VGF: variants seen among roughly 807,000 people sequenced by gnomAD.
VGF encodes the protein neurosecretory protein VGF.
Under a neutral mutation model 41.1 loss-of-function variants are expected in VGF, and 13 were observed. The ratio of observed to expected loss-of-function variants is 0.32; its 90% CI spans 0.21 to 0.50. The LOEUF (loss-of-function observed/expected upper bound fraction) is 0.50, where lower values mean the gene tolerates loss of function less well. Among genes scored for constraint, VGF ranks in the 20% least tolerant of loss-of-function variants. The pLI, the probability that VGF is intolerant of heterozygous loss-of-function variation, is 0.98. For synonymous variants in VGF, 473 were observed against 418.3 expected, an observed-to-expected ratio of 1.13 and a Z score of -1.60; for missense variants, 920 against 882.1, an observed-to-expected ratio of 1.04 and a Z score of -0.54.
At chr7:101,169,310 A>T (rs1432087344), upstream of VGF, among the ~76,000 whole-genome samples, 1 of 151,924 alleles carries the variant, frequency 6.6e-6, no homozygotes, top group Non-Finnish European at 1.5e-5. Flanking sequence ...ACACACACAC[A>T]CACACACACT....
chr7:101,164,154 T>C lies in VGF; in HGVS notation c.690A>G (p.Gln230=). Residue 230 remains glutamine (Q), a synonymous_variant, in exon 2 of 2, where the codon CAA becomes CAG. Coordinates refer to ENST00000249330, the MANE Select transcript of VGF (RefSeq NM_003378.4). The part of the protein sequence containing the change: ...RAPLPPPAPS[Q]FQARMPDSGP... ...CGCTGTCGGGCATACGCGCCTGGAA[T>C]TGAGAGGGGGCCGGGGGCGGCAGGG... 6.6e-7 allele frequency: 1 copy of C among 1,507,034 alleles called. No homozygotes were observed. Among genetic ancestry groups the C allele is most frequent in the Non-Finnish European group, 8.8e-7 (1 of 1,135,904 alleles). The allele number at this position is 1,507,034 out of a possible 1,614,324, so 93.4% of individuals were successfully genotyped here. A position where few individuals can be genotyped will look rare whatever the true frequency, so the allele number is the denominator to read the frequency against.
In VGF at chr7:101,163,546, T is replaced by C. The variant is rs750605500; in HGVS notation, c.1298A>G (p.Glu433Gly). ...ETPGHRRKEA[E>G]GTEEGGEEED... ...CTCCTCCCCGCCCTCCTCTGTCCCC[T>C]CGGCCTCCTTCCGCCGGTGGCCCGG... The change falls in exon 2 of 2, where the codon GAG becomes GGG. Residue 433 changes from glutamate (E) to glycine (G), a missense_variant. This residue lies in a region of VGF where 654 missense variants were observed against 638.4 expected (regional missense o/e 1.02). Coordinates refer to ENST00000249330, the MANE Select transcript of VGF (RefSeq NM_003378.4). This position sits in a 1 kb window ranked among gnomAD's most constrained non-coding sequence, Gnocchi z 5.0. The C allele has an allele frequency of 1.2e-6, 2 of 1,600,160 alleles. No individual in the cohort carries two copies. Among genetic ancestry groups the C allele is most frequent in the Non-Finnish European group, 1.7e-6 (2 of 1,173,540 alleles).
rs766812402 is a variant in VGF, at chr7:101,164,399, C to T, written c.445G>A (p.Ala149Thr). 1.3e-5 allele frequency: 21 copies of T among 1,610,968 alleles called. No homozygotes were observed. The highest frequency in any genetic ancestry group is 2.2e-5 in the East Asian group (1 of 44,864). Residue 149 changes from alanine to threonine, a missense_variant, in exon 2 of 2, where the codon GCG (alanine) becomes ACG (threonine). Physicochemically the swap from Ala to Thr is moderately conservative, Grantham distance 58 (BLOSUM62 0). Coordinates refer to ENST00000249330, the MANE Select transcript of VGF (RefSeq NM_003378.4). ...RPQTPENGPE[A>T]SDPSEELEAL... ...TCGAGCTCCTCGGAGGGATCGCTCG[C>T]CTCGGGCCCATTCTCCGGAGTCTGA...
rs1360280653 is a variant in VGF, at chr7:101,163,205, G to A, written c.1639C>T (p.Pro547Ser). Residue 547 changes from proline (P) to serine (S), a missense_variant, in exon 2 of 2, where the codon CCC becomes TCC. By Grantham distance (74) the Pro-to-Ser change is moderately conservative. Coordinates refer to ENST00000249330, the MANE Select transcript of VGF (RefSeq NM_003378.4). This position sits in a 1 kb window ranked among gnomAD's most constrained non-coding sequence, Gnocchi z 5.0. Reference protein sequence around the residue: ...VYPPGPYHPFPNYIRPRTLQP... With the variant: ...VYPPGPYHPFSNYIRPRTLQP... ...AGTGTCCGCGGCCGGATGTAGTTGG[G>A]GAAAGGGTGGTACGGCCCTGGCGGG... is the stretch of plus-strand genomic sequence containing the variant. 1 of 1,545,550 alleles carries A rather than the reference G, an allele frequency of 6.5e-7. No individual in the cohort carries two copies.
In VGF at chr7:101,162,640, G is replaced by A. The variant is rs184655571; in HGVS notation, c.*356C>T. ...GGCTGGAGGGGCTCGTGGGAGGCCC[G>A]AAGGGCTGGAGACAGACACACTTCA... On this transcript the variant is annotated 3_prime_UTR_variant, in exon 2 of 2. Coordinates refer to ENST00000249330, the MANE Select transcript of VGF (RefSeq NM_003378.4). This position sits in a 1 kb window ranked among gnomAD's most constrained non-coding sequence, Gnocchi z 4.2. The A allele has an allele frequency of 1.6e-3, 590 of 363,518 alleles. 1 individual carries two copies. The highest frequency in any genetic ancestry group is 2.7e-3 in the Non-Finnish European group (501 of 186,462). 22.5% of individuals were successfully genotyped at this position (363,518 alleles called of 1,614,324 possible). A position where few individuals can be genotyped will look rare whatever the true frequency, so the allele number is the denominator to read the frequency against.
chr7:101,169,771 A>T (rs1425467515), upstream of VGF, among the ~76,000 whole-genome samples: 1 of 152,184 alleles, frequency 6.6e-6, no homozygotes, highest in Non-Finnish European at 1.5e-5. Flanking sequence ...AACAGAAAAA[A>T]AACCACTTGA....
chr7:101,165,307 A>G, intron 1 of VGF, 67 bp downstream of exon 1: 1 of 986,488 alleles, frequency 1.0e-6, no homozygotes, highest in Non-Finnish European at 1.2e-6. Flanking sequence ...TCGAGAGGAG[A>G]GAGAACCCTC....
Position 101,163,098 on chromosome 7 carries a change from C to G in VGF, c.1746G>C (p.Gln582His). 6.3e-7 allele frequency: 1 copy of G among 1,581,144 alleles called. No individual in the cohort carries two copies. Among genetic ancestry groups the G allele is most frequent in the Non-Finnish European group, 8.6e-7 (1 of 1,167,292 alleles). The change falls in exon 2 of 2, where the codon CAG (glutamine) becomes CAC (histidine). Residue 582 changes from glutamine (Q) to histidine (H), a missense_variant. Gln to His is a conservative substitution (Grantham distance 24). Coordinates refer to ENST00000249330, the MANE Select transcript of VGF (RefSeq NM_003378.4). This position sits in a 1 kb window ranked among gnomAD's most constrained non-coding sequence, Gnocchi z 5.0. Reference protein sequence around the residue: ...PSRHYPGREAQARRAQEEAEA... With the variant: ...PSRHYPGREAHARRAQEEAEA... ...CCGCCTCCTCCTGCGCGCGCCGCGC[C>G]TGGGCCTCCCGGCCGGGATAGTGGC... is the stretch of plus-strand genomic sequence containing the variant.
upstream of VGF, among the ~76,000 whole-genome samples, chr7:101,167,321 G>A (rs1186222570): frequency 6.6e-6 from 1 of 152,144 alleles, no homozygotes; most frequent in East Asian, 1.9e-4. This position sits in a 1 kb window ranked among gnomAD's most constrained non-coding sequence, Gnocchi z 4.2. Flanking sequence ...GGAACAGGTA[G>A]AAGGAGCAGG....
chr7:101,162,778 T>C lies in VGF; in HGVS notation c.*218A>G. The C allele has an allele frequency of 1.6e-6, 1 of 642,028 alleles. No homozygotes were observed. The highest frequency in any genetic ancestry group is 2.9e-6 in the Non-Finnish European group (1 of 346,562). 39.8% of individuals were successfully genotyped at this position (642,028 alleles called of 1,614,324 possible). A position where few individuals can be genotyped will look rare whatever the true frequency, so the allele number is the denominator to read the frequency against. On this transcript the variant is annotated 3_prime_UTR_variant, in exon 2 of 2. Transcript: ENST00000249330. This position sits in a 1 kb window ranked among gnomAD's most constrained non-coding sequence, Gnocchi z 4.2. The stretch of plus-strand genomic sequence containing the variant: ...AACTCGCACAAACCACCCGCCCTCC[T>C]GGGCTGGCCCCCGGTCACCCGCGGG...
chr7:101,166,222 C>A (rs1419599753), upstream of VGF, among the ~76,000 whole-genome samples: 3 of 152,228 alleles, frequency 2.0e-5, no homozygotes, highest in Admixed American at 6.5e-5. Flanking sequence ...ATGGGTGGAT[C>A]TTGCGGTTTT....
At position 101,163,574 on chromosome 7, in the gene VGF, TCTC is replaced by T. The variant is rs1302815644; in HGVS notation, c.1267_1269del (p.Glu423del). 6 of 1,577,494 alleles carry T rather than the reference TCTC, an allele frequency of 3.8e-6. No homozygotes were observed. Among genetic ancestry groups the T allele is most frequent in the Non-Finnish European group, 5.2e-6 (6 of 1,162,676 alleles). ...GCCTCCTTCCGCCGGTGGCCCGGCGTCTCCTCCTGGGAGCGCTTGTCCTCGGCG... is the reference window on the plus strand; with the variant it reads ...GCCTCCTTCCGCCGGTGGCCCGGCGTCTCCTGGGAGCGCTTGTCCTCGGCG... On this transcript the variant is annotated inframe_deletion, in exon 2 of 2. Transcript: ENST00000249330. This position sits in a 1 kb window ranked among gnomAD's most constrained non-coding sequence, Gnocchi z 5.0.
chr7:101,166,520 G>GT (rs1014600816), upstream of VGF, among the ~76,000 whole-genome samples: 2 of 150,914 alleles, frequency 1.3e-5, no homozygotes, highest in East Asian at 2.0e-4. Context: ...GCAGGTGGGG[G>GT]GGGGGTGACT....
At position 101,163,075 on chromosome 7, in the gene VGF, G is replaced by T. The variant is rs866648540; in HGVS notation, c.1769C>A (p.Ala590Glu). 1.9e-6 allele frequency: 3 copies of T among 1,571,606 alleles called. No homozygotes were observed. Among genetic ancestry groups the T allele is most frequent in the South Asian group, 1.2e-5 (1 of 86,638 alleles). The part of the protein sequence containing the change: ...EAQARRAQEE[A>E]EAEERRLQEQ... ...CTGCAGCCGGCGCTCCTCCGCCTCCGCCTCCTCCTGCGCGCGCCGCGCCTG... is the reference window on the plus strand; with the variant it reads ...CTGCAGCCGGCGCTCCTCCGCCTCCTCCTCCTCCTGCGCGCGCCGCGCCTG... Residue 590 changes from alanine (A) to glutamate (E), a missense_variant, in exon 2 of 2, where the codon GCG becomes GAG. Ala to Glu is a moderately radical substitution (Grantham distance 107). Around this residue, in one of 3 missense-constraint regions of VGF, gnomAD observed 257 missense variants for 217.2 expected, o/e 1.18. Coordinates refer to ENST00000249330, the MANE Select transcript of VGF (RefSeq NM_003378.4). The surrounding 1 kb of genome is among the most constrained non-coding windows in gnomAD (Gnocchi z 5.0).
chr7:101,163,226 G>A lies in VGF; in HGVS notation c.1618C>T (p.Pro540Ser), dbSNP rs772930183. ...TTGGGGAAAGGGTGGTACGGCCCTG[G>A]CGGGTACACCTCGTCCTCCTCCCGA... ...WDREEDEVYP[P>S]GPYHPFPNYI... is the part of the protein sequence containing the mutation. The change falls in exon 2 of 2, where the codon CCA becomes TCA. Residue 540 changes from proline (P) to serine (S), a missense_variant. This residue lies in a region of VGF where 257 missense variants were observed against 217.2 expected (regional missense o/e 1.18). Transcript: ENST00000249330. This position sits in a 1 kb window ranked among gnomAD's most constrained non-coding sequence, Gnocchi z 5.0. 4.2e-5 allele frequency: 64 copies of A among 1,540,250 alleles called. No individual in the cohort carries two copies. Among genetic ancestry groups the A allele is most frequent in the East Asian group, 1.4e-4 (6 of 42,916 alleles).
upstream of VGF, among the ~76,000 whole-genome samples, chr7:101,166,053 A>C (rs920178074): frequency 6.6e-6 from 1 of 152,084 alleles, no homozygotes; most frequent in Non-Finnish European, 1.5e-5. Flanking sequence ...GGGGAGGGGA[A>C]GGATAAAGAT....
Position 101,162,857 on chromosome 7 carries a change from A to T in VGF, c.*139T>A. The T allele has an allele frequency of 2.9e-6, 2 of 686,790 alleles. No homozygotes were observed. Among genetic ancestry groups the T allele is most frequent in the Non-Finnish European group, 5.2e-6 (2 of 386,880 alleles). The allele number at this position is 686,790 out of a possible 1,614,324, so 42.5% of individuals were successfully genotyped here. A position where few individuals can be genotyped will look rare whatever the true frequency, so the allele number is the denominator to read the frequency against. ...CGGGAGGGGGGTCTGGCAGGTCCCG[A>T]CGCAGCCCGGGGACAGGGGCAGGGC... On this transcript the variant is annotated 3_prime_UTR_variant, in exon 2 of 2. Coordinates refer to ENST00000249330, the MANE Select transcript of VGF (RefSeq NM_003378.4). The surrounding 1 kb of genome is among the most constrained non-coding windows in gnomAD (Gnocchi z 4.2).
At chr7:101,169,566 G>A (rs1196516545), upstream of VGF, among the ~76,000 whole-genome samples, 2 of 152,098 alleles carry the variant, frequency 1.3e-5, no homozygotes, top group Non-Finnish European at 2.9e-5. Context: ...TGTGCTCTAA[G>A]TGTTCTCACT....
rs1400652910 is a variant in VGF, at chr7:101,162,615, G to A, written c.*381C>T. 2.9e-6 allele frequency: 1 copy of A among 344,000 alleles called. No homozygotes were observed. The highest frequency in any genetic ancestry group is 1.1e-4 in the East Asian group (1 of 8,776). 21.3% of individuals were successfully genotyped at this position (344,000 alleles called of 1,614,324 possible). A position where few individuals can be genotyped will look rare whatever the true frequency, so the allele number is the denominator to read the frequency against. ...GGGTCAATTCACAGCGACTTGGAGA[G>A]GCTGGAGGGGCTCGTGGGAGGCCCG... On this transcript the variant is annotated 3_prime_UTR_variant, in exon 2 of 2. Transcript: ENST00000249330. This position sits in a 1 kb window ranked among gnomAD's most constrained non-coding sequence, Gnocchi z 4.2.
Sources: gnomAD v4.1 joint callset for allele counts (sites outside exome capture counted in the v4.1 genomes callset) on GRCh38, gnomAD v4.1.1 for gene constraint, gnomAD v4.1.1 regional missense constraint, Gnocchi (gnomAD v3.1) non-coding constraint, MANE v1.5 for transcripts, NCBI Gene and HGNC (gene_info 2026-07-23, HGNC 2026-07-21) for gene names.